STK32B: variants seen among roughly 807,000 people sequenced by gnomAD.
STK32B encodes the protein serine/threonine kinase 32B.
STK32B carries 43 observed loss-of-function variants against 52.6 expected under a neutral mutation model. The ratio of observed to expected loss-of-function variants is 0.82; its 90% confidence interval spans 0.64 to 1.05. STK32B has a LOEUF of 1.05. Among genes scored for constraint, STK32B ranks in the 50% least tolerant of loss-of-function variants. STK32B has a pLI of 0.00. For missense variants in STK32B, 621 were observed against 534.6 expected (o/e 1.16, Z -1.59); for synonymous variants, 238 against 204.3 (o/e 1.17, Z -1.41).
chr4:5,038,088 G>A, the STK32B span, among the ~76,000 whole-genome samples: 199 of 152,228 alleles, frequency 1.3e-3, no homozygotes, highest in Admixed American at 4.3e-3. Context: ...ACAAAATGAT[G>A]GAATTTCAGT....
intron 3 of STK32B, among the ~76,000 whole-genome samples, chr4:5,234,596 T>C (rs1243705852): frequency 6.6e-6 from 1 of 152,242 alleles, no homozygotes; most frequent in Non-Finnish European, 1.5e-5. Context: ...TTTATTTCTG[T>C]ATTATAAGTG....
chr4:5,029,341 C>T, the STK32B span, among the ~76,000 whole-genome samples: 2 of 152,180 alleles, frequency 1.3e-5, no homozygotes, highest in African/African-American at 4.8e-5. Context: ...TGCAATCACA[C>T]AAACACTTTT....
intron 4 of STK32B, among the ~76,000 whole-genome samples, chr4:5,338,664 A>G (rs1013771697): frequency 1.3e-5 from 2 of 152,244 alleles, no homozygotes; most frequent in African/African-American, 4.8e-5. Context: ...ATTGTGTGAC[A>G]GCATGGCTGG....
chr4:5,323,969 C>T (rs1357441824), intron 3 of STK32B, among the ~76,000 whole-genome samples: 1 of 152,228 alleles, frequency 6.6e-6, no homozygotes, highest in Admixed American at 6.5e-5. Flanking sequence ...TACTTAATCT[C>T]TCTGAACCTC....
chr4:5,051,759 C>G lies in STK32B; in HGVS notation c.-105C>G. ...CTCGGGCTCCGCGCGCGGCTACAACCCGGACTGGGCGCGCCCCCGGCATCC... is the reference window on the plus strand; with the variant it reads ...CTCGGGCTCCGCGCGCGGCTACAACGCGGACTGGGCGCGCCCCCGGCATCC... On this transcript the variant is annotated 5_prime_UTR_variant, in exon 1 of 12. Transcript: ENST00000282908. The G allele has an allele frequency of 1.3e-6, 2 of 1,501,660 alleles. No homozygotes were observed. Among genetic ancestry groups the G allele is most frequent in the Non-Finnish European group, 1.8e-6 (2 of 1,114,156 alleles). The allele number at this position is 1,501,660 out of a possible 1,614,324, so 93.0% of individuals were successfully genotyped here.
chr4:5,220,588 G>A lies in STK32B; in HGVS notation c.260+52138G>A, dbSNP rs1244671414. On this transcript the variant is annotated intron_variant, in intron 3 of 11. Transcript: ENST00000282908. ...TAAAATGCAAAAGGTCAAATGACTA[G>A]AATTGAGGCTGGAAAGGCAGGGAGA... Among the ~76,000 whole-genome samples the A allele has an allele frequency of 2.0e-5, 3 of 152,184 alleles. 1 individual carries two copies. Among genetic ancestry groups the A allele is most frequent in the Admixed American group, 6.5e-5 (1 of 15,274 alleles).
intron 8 of STK32B, 44 bp downstream of exon 8, chr4:5,456,967 G>A (rs1026257014): frequency 2.1e-6 from 3 of 1,424,242 alleles, no homozygotes; most frequent in African/African-American, 1.4e-5. Context: ...GAGCTACGGT[G>A]AGTGTAGAAA....
chr4:5,237,744 C>A (rs768851010), intron 3 of STK32B, among the ~76,000 whole-genome samples: 1 of 152,134 alleles, frequency 6.6e-6, no homozygotes, highest in African/African-American at 2.4e-5. Context: ...CAGCCTCCCC[C>A]CATCATGGCC....
chr4:5,497,020 T>C (rs1010013719), intron 11 of STK32B, among the ~76,000 whole-genome samples: 6 of 152,212 alleles, frequency 3.9e-5, no homozygotes, highest in African/African-American at 1.4e-4. Flanking sequence ...TAAGATGGTA[T>C]ATTGTAGTGA....
At chr4:5,494,764 A>G (rs989205912) in intron 11 of STK32B, among the ~76,000 whole-genome samples, 11 of 152,212 alleles carry the variant, frequency 7.2e-5, no homozygotes, top group African/African-American at 2.4e-4. Flanking sequence ...CTTTTAGGGC[A>G]GGCCTGATGG....
chr4:5,078,842 G>A (rs1241683236), intron 1 of STK32B, among the ~76,000 whole-genome samples: 1 of 152,162 alleles, frequency 6.6e-6, no homozygotes, highest in Non-Finnish European at 1.5e-5. Flanking sequence ...GAGAAGGGGG[G>A]GCCAGCACAG....
intron 3 of STK32B, among the ~76,000 whole-genome samples, chr4:5,238,799 C>A (rs566305471): frequency 6.6e-6 from 1 of 152,192 alleles, no homozygotes; most frequent in Admixed American, 6.5e-5. Flanking sequence ...GAGTCCACTG[C>A]GTGTCAGCAC....
chr4:5,360,575 G>A (rs1197723562), intron 4 of STK32B, among the ~76,000 whole-genome samples: 1 of 152,106 alleles, frequency 6.6e-6, no homozygotes. Flanking sequence ...TGATGCAAGA[G>A]GTACACAGCA....
At chr4:5,299,361 C>A (rs563297797) in intron 3 of STK32B, among the ~76,000 whole-genome samples, 2 of 152,174 alleles carry the variant, frequency 1.3e-5, no homozygotes, top group African/African-American at 4.8e-5. Flanking sequence ...CAGGGCCAGT[C>A]CCCAGCAACG....
At chr4:5,062,329 A>G (rs1431611319) in intron 1 of STK32B, among the ~76,000 whole-genome samples, 3 of 152,224 alleles carry the variant, frequency 2.0e-5, no homozygotes, top group African/African-American at 7.2e-5. Flanking sequence ...TTCTGAAGGC[A>G]TCAGGTAACT....
At chr4:5,087,719 T>C (rs1420094867) in intron 1 of STK32B, among the ~76,000 whole-genome samples, 1 of 151,476 alleles carries the variant, frequency 6.6e-6, no homozygotes, top group Non-Finnish European at 1.5e-5. Context: ...TATATAATAA[T>C]AAAAAGGTCA....
At chr4:5,261,773 T>G (rs1470319847) in intron 3 of STK32B, among the ~76,000 whole-genome samples, 1 of 152,158 alleles carries the variant, frequency 6.6e-6, no homozygotes, top group East Asian at 1.9e-4. Context: ...TTATTATTAT[T>G]ACTATGACTA....
At chr4:5,044,989 A>G in the STK32B span, among the ~76,000 whole-genome samples, 4 of 152,100 alleles carry the variant, frequency 2.6e-5, no homozygotes, top group African/African-American at 9.7e-5. Flanking sequence ...CCAACCCCCA[A>G]TGTGCTGATG....
At chr4:5,111,055 A>T (rs961229925) in intron 1 of STK32B, among the ~76,000 whole-genome samples, 1 of 152,190 alleles carries the variant, frequency 6.6e-6, no homozygotes, top group African/African-American at 2.4e-5. Flanking sequence ...AATTAAGACC[A>T]CATTGAGATA....
Sources: allele counts gnomAD v4.1 joint callset (sites outside exome capture counted in the v4.1 genomes callset), GRCh38; gene constraint gnomAD v4.1.1; transcripts MANE v1.5; gene names NCBI Gene and HGNC (gene_info 2026-07-23, HGNC 2026-07-21).